Variants in SUDS3 observed in about 807,000 individuals in gnomAD.
SUDS3 encodes the protein SIN3A corepressor complex component SDS3.
Under a neutral mutation model 53.5 loss-of-function variants are expected in SUDS3, and 23 were observed. The observed-to-expected ratio is 0.43, with a 90% CI of 0.31 to 0.61. The LOEUF (loss-of-function observed/expected upper bound fraction) is 0.61. SUDS3 is among the 20% of genes least tolerant of loss of function. The pLI is 0.10. For synonymous variants in SUDS3, 150 were observed against 148.5 expected, an observed-to-expected ratio of 1.01 and a Z score of -0.08; for missense variants, 291 against 405.9, an observed-to-expected ratio of 0.72 and a Z score of 2.43.
At chr12:118,398,491 ATACTT>A (rs2046235793) in intron 6 of SUDS3, among the ~76,000 whole-genome samples, 1 of 151,468 alleles carries the variant, frequency 6.6e-6, no homozygotes, top group African/African-American at 2.4e-5. Context: ...GTGTGTGTTT[ATACTT>A]CCAAGTACAC....
chr12:118,408,920 T>C (rs951877860), intron 10 of SUDS3, among the ~76,000 whole-genome samples: 4 of 152,164 alleles, frequency 2.6e-5, no homozygotes, highest in African/African-American at 9.7e-5. Flanking sequence ...ACTCAAGACA[T>C]GACTGTTTAC....
rs553951410 is a variant in SUDS3 at position 118,376,561 on chromosome 12, G to C, written c.-131G>C. On this transcript the variant is annotated 5_prime_UTR_variant, in exon 1 of 12. Transcript: ENST00000543473. Reference sequence around the variant, plus strand: ...GCGGGGGGCGGAGCTCGGCGGAGACGGGGAAGGGGTCGCCGTGGCTGCCGG... The same window carrying C: ...GCGGGGGGCGGAGCTCGGCGGAGACCGGGAAGGGGTCGCCGTGGCTGCCGG... 8.5e-7 allele frequency: 1 copy of C among 1,176,640 alleles called. No homozygotes were observed. The allele number at this position is 1,176,640 out of a possible 1,614,324, so 72.9% of individuals were successfully genotyped here.
chr12:118,377,738 G>A (rs1003438687), intron 1 of SUDS3, among the ~76,000 whole-genome samples: 4 of 152,158 alleles, frequency 2.6e-5, no homozygotes, highest in Admixed American at 2.6e-4. Context: ...GGAGAAATAG[G>A]AAACAAAGAG....
intron 10 of SUDS3, among the ~76,000 whole-genome samples, chr12:118,406,880 C>T (rs1200012782): frequency 2.1e-5 from 3 of 143,686 alleles, no homozygotes; most frequent in African/African-American, 2.6e-5. Context: ...TAACCGCCCC[C>T]GCCCCCCCAT....
chr12:118,393,967 C>G (rs915221375), intron 6 of SUDS3, among the ~76,000 whole-genome samples: 2 of 151,486 alleles, frequency 1.3e-5, no homozygotes, highest in African/African-American at 4.9e-5. Flanking sequence ...CACCGTGCCC[C>G]GGCTGAGATC....
At chr12:118,394,866 T>G (rs1340624296) in intron 6 of SUDS3, among the ~76,000 whole-genome samples, 1 of 152,060 alleles carries the variant, frequency 6.6e-6, no homozygotes, top group Non-Finnish European at 1.5e-5. Flanking sequence ...TTGTACTTTT[T>G]GTAGAGATAG....
chr12:118,405,421 C>T (rs1028986414), intron 10 of SUDS3, among the ~76,000 whole-genome samples: 2 of 152,096 alleles, frequency 1.3e-5, no homozygotes, highest in Admixed American at 6.5e-5. Flanking sequence ...AAGAAGAGAT[C>T]CACAATGTCT....
At position 118,415,692 on chromosome 12, in the gene SUDS3, C is replaced by T. The variant is rs2046394078; in HGVS notation, c.*1259C>T. ...CTATGAGCAATCAGTAGAACTTACA[C>T]ATCCTAGGAAATCTTTCTTTGTAAG... On this transcript the variant is annotated 3_prime_UTR_variant, in exon 12 of 12. Coordinates refer to ENST00000543473, the MANE Select transcript of SUDS3 (RefSeq NM_022491.3). 1 of 152,116 alleles carries T rather than the reference C, an allele frequency of 6.6e-6. No homozygotes were observed. 9.4% of individuals were successfully genotyped at this position (152,116 alleles called of 1,614,324 possible).
intron 5 of SUDS3, among the ~76,000 whole-genome samples, chr12:118,390,217 C>CT (rs1217837692): frequency 6.6e-6 from 1 of 152,222 alleles, no homozygotes; most frequent in East Asian, 1.9e-4. Flanking sequence ...TTGGAAGTCT[C>CT]TGAGTTATAA....
chr12:118,415,708 T>G lies in SUDS3; in HGVS notation c.*1275T>G, dbSNP rs12322820. On this transcript the variant is annotated 3_prime_UTR_variant, in exon 12 of 12. Transcript: ENST00000543473. ...GAACTTACACATCCTAGGAAATCTT[T>G]CTTTGTAAGTAATTCTTTTGGTCTC... The G allele has an allele frequency of 4.6e-5, 7 of 152,122 alleles. No homozygotes were observed. Among genetic ancestry groups the G allele is most frequent in the African/African-American group, 1.7e-4 (7 of 41,414 alleles). The allele number at this position is 152,122 out of a possible 1,614,324, so 9.4% of individuals were successfully genotyped here.
At chr12:118,410,828 A>G (rs1324564296) in intron 10 of SUDS3, among the ~76,000 whole-genome samples, 1 of 151,854 alleles carries the variant, frequency 6.6e-6, no homozygotes, top group Non-Finnish European at 1.5e-5. Flanking sequence ...TGATCTCCTG[A>G]CCTTGTGATC....
chr12:118,380,061 A>G (rs2046041836), intron 1 of SUDS3, 101 bp from the exon 2 acceptor site: 1 of 930,294 alleles, frequency 1.1e-6, no homozygotes, highest in Non-Finnish European at 1.7e-6. Context: ...TTGAATAGAA[A>G]TTGATTTTAC....
chr12:118,411,248 A>T, intron 11 of SUDS3, 91 bp downstream of exon 11: 1 of 1,157,482 alleles, frequency 8.6e-7, no homozygotes, highest in Non-Finnish European at 1.3e-6. Flanking sequence ...GCCACCAAGG[A>T]AGTACAGTGG....
chr12:118,387,102 T>C (rs1390778038), intron 4 of SUDS3, among the ~76,000 whole-genome samples: 1 of 152,170 alleles, frequency 6.6e-6, no homozygotes, highest in East Asian at 1.9e-4. Context: ...AGCTGCCCAG[T>C]GCACACCAAC....
chr12:118,380,558 A>C (rs1040082227), intron 2 of SUDS3, among the ~76,000 whole-genome samples: 1 of 152,192 alleles, frequency 6.6e-6, no homozygotes, highest in Non-Finnish European at 1.5e-5. Flanking sequence ...AAGACCATGT[A>C]TGTTTACAAT....
intron 6 of SUDS3, among the ~76,000 whole-genome samples, chr12:118,393,592 T>C (rs2046187157): frequency 6.6e-6 from 1 of 152,152 alleles, no homozygotes. Flanking sequence ...CAGTGGGGTC[T>C]TGATAAAATG....
chr12:118,401,094 C>G (rs150860064), intron 7 of SUDS3, among the ~76,000 whole-genome samples: 5 of 152,284 alleles, frequency 3.3e-5, no homozygotes, highest in African/African-American at 1.2e-4. Flanking sequence ...TTTCCACCTT[C>G]CAACTGTAAA....
chr12:118,397,527 A>G (rs575315658), intron 6 of SUDS3, among the ~76,000 whole-genome samples: 3 of 152,128 alleles, frequency 2.0e-5, no homozygotes, highest in African/African-American at 7.2e-5. Flanking sequence ...GCTGTGATAC[A>G]TGTTGATCAT....
chr12:118,376,906 G>T, intron 1 of SUDS3, 73 bp downstream of exon 1: 1 of 1,092,058 alleles, frequency 9.2e-7, no homozygotes, highest in Non-Finnish European at 1.2e-6. Context: ...GGCTGTTCGG[G>T]AGAGGGGCGG....
Sources: allele counts gnomAD v4.1 joint callset (sites outside exome capture counted in the v4.1 genomes callset), GRCh38; gene constraint gnomAD v4.1.1; transcripts MANE v1.5; gene names NCBI Gene and HGNC (gene_info 2026-07-23, HGNC 2026-07-21).